Variants in SLC9A6 observed in about 807,000 individuals in gnomAD.
SLC9A6 encodes the protein solute carrier family 9 member A6.
In SLC9A6, 6 loss-of-function variants were observed where a neutral mutation model predicts 45.3. The observed-to-expected ratio is 0.13, with a 90% CI of 0.07 to 0.26. The LOEUF (loss-of-function observed/expected upper bound fraction) is 0.26. Among genes scored for constraint, SLC9A6 ranks in the 10% least tolerant of loss-of-function variants. SLC9A6 has a pLI of 1.00. For missense variants in SLC9A6, 278 were observed against 503.7 expected (o/e 0.55, Z 4.29); for synonymous variants, 191 against 187.7 (o/e 1.02, Z -0.14).
intron 2 of SLC9A6, among the ~76,000 whole-genome samples, chrX:135,992,054 G>A (rs1203291092): frequency 1.8e-5 from 2 of 111,690 alleles, no homozygotes; most frequent in Admixed American, 9.5e-5. Context: ...TCAACTATGC[G>A]TGTGTCACAA....
intron 1 of SLC9A6, among the ~76,000 whole-genome samples, chrX:135,978,070 T>C (rs2089270915): frequency 8.9e-6 from 1 of 112,499 alleles, no homozygotes; most frequent in Admixed American, 9.4e-5. Context: ...TTGAGTGAGA[T>C]CATACATATA....
chrX:136,012,527 A>G (rs2070943420), intron 8 of SLC9A6, among the ~76,000 whole-genome samples: 3 of 112,996 alleles, frequency 2.7e-5, no homozygotes, highest in Non-Finnish European at 5.6e-5. Context: ...TAGAAGTGGT[A>G]GAGGATCAAA....
chrX:135,988,437 C>CTTTCTTTCTTTCTCTCTCT (rs2089372787), intron 2 of SLC9A6, among the ~76,000 whole-genome samples: 1 of 108,806 alleles, frequency 9.2e-6, no homozygotes, highest in Non-Finnish European at 1.9e-5. Flanking sequence ...TCTTTTCTTT[C>CTTTCTTTCTTTCTCTCTCT]TTTCTTTCTT....
At chrX:135,996,995 T>C (rs1178527933) in intron 3 of SLC9A6, among the ~76,000 whole-genome samples, 1 of 111,226 alleles carries the variant, frequency 9.0e-6, no homozygotes, top group Non-Finnish European at 1.9e-5. Context: ...CTCGATCTCC[T>C]GACTTTGTGA....
At chrX:136,019,355 C>G (rs1210508313) in intron 11 of SLC9A6, among the ~76,000 whole-genome samples, 1 of 112,286 alleles carries the variant, frequency 8.9e-6, no homozygotes, top group Non-Finnish European at 1.9e-5. Context: ...CCTGTCTGCC[C>G]GTTGCCTTGA....
In SLC9A6 at chrX:135,985,634, C is replaced by T. The variant is rs1343262050; in HGVS notation, c.-25C>T. On this transcript the variant is annotated 5_prime_UTR_variant, in exon 2 of 18. It adds an upstream start codon to the 5' untranslated region. Coordinates refer to ENST00000630721, the MANE Select transcript of SLC9A6 (RefSeq NM_001379110.1). ...TCTTTGACTGGGCAGGGGCTTCGGACGGCGGCGGCGGAGAGGCTAGAGCCA... is the reference window on the plus strand; with the variant it reads ...TCTTTGACTGGGCAGGGGCTTCGGATGGCGGCGGCGGAGAGGCTAGAGCCA... 8 of 1,208,747 alleles carry T rather than the reference C, an allele frequency of 6.6e-6. No individual in the cohort carries two copies. The highest frequency in any genetic ancestry group is 8.9e-6 in the Non-Finnish European group (8 of 894,629).
chrX:135,983,082 G>A (rs2089294352), upstream of SLC9A6, among the ~76,000 whole-genome samples: 1 of 111,398 alleles, frequency 9.0e-6, no homozygotes. Context: ...GAGGACCATG[G>A]GGAAGGAGAA....
chrX:136,046,052 A>G lies in SLC9A6; in HGVS notation c.*1328A>G, dbSNP rs1194021897. ...TAATGCTGATAATACCTAAAGATGC[A>G]TTGAATGCTTGGAAGAATGCTTTTT... On this transcript the variant is annotated 3_prime_UTR_variant, in exon 18 of 18. Transcript: ENST00000630721. 8.9e-6 allele frequency: 1 copy of G among 112,266 alleles called. No individual in the cohort carries two copies. The highest frequency in any genetic ancestry group is 3.2e-5 in the African/African-American group (1 of 30,806). 9.3% of individuals were successfully genotyped at this position (112,266 alleles called of 1,213,427 possible). A position where few individuals can be genotyped will look rare whatever the true frequency, so the allele number is the denominator to read the frequency against.
Position 136,010,598 on chromosome X carries a change from T to C in SLC9A6, c.885+15T>C, listed in dbSNP as rs781848006. ...TGACAGCTTTAATATCCTTTTGTTA[T>C]ATTTATCTTTTCTTGTTAACATAAT... On this transcript the variant is annotated intron_variant, in intron 8 of 17. Coordinates refer to ENST00000630721, the MANE Select transcript of SLC9A6 (RefSeq NM_001379110.1). 3 of 1,196,823 alleles carry C rather than the reference T, an allele frequency of 2.5e-6. No homozygotes were observed. Among genetic ancestry groups the C allele is most frequent in the Non-Finnish European group, 3.4e-6 (3 of 881,760 alleles).
intron 9 of SLC9A6, 73 bp from the exon 10 acceptor site, chrX:136,013,276 G>C: frequency 2.3e-6 from 2 of 858,146 alleles, no homozygotes; most frequent in Non-Finnish European, 3.5e-6. Context: ...ATAATCTACT[G>C]TGAAGAAAGA....
intron 11 of SLC9A6, among the ~76,000 whole-genome samples, chrX:136,021,397 G>A (rs2071125158): frequency 8.9e-6 from 1 of 112,214 alleles, no homozygotes; most frequent in East Asian, 2.8e-4. Flanking sequence ...AATAGTTTCA[G>A]AATTGTTAAC....
At chrX:135,997,029 G>A (rs1240559552) in intron 3 of SLC9A6, among the ~76,000 whole-genome samples, 1 of 110,552 alleles carries the variant, frequency 9.0e-6, no homozygotes, top group Non-Finnish European at 1.9e-5. Flanking sequence ...GCCTCCCAAA[G>A]TGCTGGGATT....
intron 1 of SLC9A6, among the ~76,000 whole-genome samples, chrX:135,976,622 A>AC (rs2089264661): frequency 9.0e-6 from 1 of 111,480 alleles, no homozygotes; most frequent in African/African-American, 3.3e-5. Flanking sequence ...AAAAGAAAAA[A>AC]GAAAAAAACC....
rs144085373 is a variant in SLC9A6, at chrX:136,024,032, A to G, written c.1307-298A>G. ...CTCCCAAGTAGCTGGGATTACAGGC[A>G]TGCGCCATCATGGCTGGCTGATTTT... On this transcript the variant is annotated intron_variant, in intron 12 of 17. Transcript: ENST00000630721. Among the ~76,000 whole-genome samples the G allele has an allele frequency of 6.2e-3, 682 of 110,618 alleles. 6 individuals carry two copies. Among genetic ancestry groups the G allele is most frequent in the Non-Finnish European group, 8.1e-3 (426 of 52,887 alleles).
intron 11 of SLC9A6, among the ~76,000 whole-genome samples, chrX:136,021,442 A>C (rs781854723): frequency 5.2e-4 from 59 of 112,741 alleles, no homozygotes; most frequent in African/African-American, 1.9e-3. Context: ...TGTCATGAGC[A>C]TAGAATGCTT....
At chrX:136,037,197 T>C (rs1345079178) in intron 16 of SLC9A6, among the ~76,000 whole-genome samples, 2 of 112,709 alleles carry the variant, frequency 1.8e-5, no homozygotes, top group African/African-American at 6.5e-5. Flanking sequence ...TTGGGTGCTT[T>C]GCGTTTTCCT....
intron 17 of SLC9A6, among the ~76,000 whole-genome samples, chrX:136,042,904 CT>C (rs1158110225): frequency 2.7e-5 from 3 of 111,290 alleles, no homozygotes; most frequent in Non-Finnish European, 5.7e-5. Context: ...CAGTCATTTC[CT>C]TTTTTGCTAT....
chrX:135,979,080 A>G (rs1263069641), intron 1 of SLC9A6, among the ~76,000 whole-genome samples: 1 of 111,013 alleles, frequency 9.0e-6, no homozygotes, highest in Non-Finnish European at 1.9e-5. Flanking sequence ...CTGAGCTACC[A>G]TCTTCTCGGC....
chrX:135,976,603 CA>C lies in SLC9A6; in HGVS notation c.-57+1832del, dbSNP rs1180579113. Among the ~76,000 whole-genome samples the C allele has an allele frequency of 1.2e-3, 103 of 84,558 alleles. 1 individual carries two copies. Among genetic ancestry groups the C allele is most frequent in the Admixed American group, 1.3e-3 (10 of 7,624 alleles). The allele number at this position is 84,558 out of a possible 115,157, so 73.4% of individuals were successfully genotyped here. A position where few individuals can be genotyped will look rare whatever the true frequency, so the allele number is the denominator to read the frequency against. ...GGCAACAAGAGTGAAACTCCATTTC[CA>C]AAAAAAAAAAAGAAAAAAGAAAAAA... On this transcript the variant is annotated intron_variant, in intron 1 of 16. Coordinates refer to the SLC9A6 transcript ENST00000636092.
Sources: allele counts gnomAD v4.1 joint callset (sites outside exome capture counted in the v4.1 genomes callset), GRCh38; gene constraint gnomAD v4.1.1; transcripts MANE v1.5; gene names NCBI Gene and HGNC (gene_info 2026-07-23, HGNC 2026-07-21).